GALM: variants seen among roughly 807,000 people sequenced by gnomAD.
GALM encodes the protein galactose mutarotase.
A neutral mutation model predicts 37.4 loss-of-function variants in GALM; 43 were observed. The ratio of observed to expected loss-of-function variants is 1.15; its 90% CI spans 0.90 to 1.48. The LOEUF is 1.48. Among genes scored for constraint, GALM ranks in the 40% most tolerant of loss-of-function variants. GALM has a pLI of 0.00. For synonymous variants in GALM, 199 were observed against 170.6 expected (o/e 1.17, Z -1.30); for missense variants, 456 against 419.1 (o/e 1.09, Z -0.77).
intron 3 of GALM, among the ~76,000 whole-genome samples, chr2:38,682,950 A>C (rs1665433594): frequency 2.0e-5 from 3 of 152,002 alleles, no homozygotes; most frequent in Admixed American, 2.0e-4. Flanking sequence ...ACAAAACAAA[A>C]ACCCTCAGAC....
At chr2:38,709,072 C>T (rs1372704700) in intron 4 of GALM, among the ~76,000 whole-genome samples, 1 of 152,058 alleles carries the variant, frequency 6.6e-6, no homozygotes, top group Non-Finnish European at 1.5e-5. Context: ...GGGTGTAAGG[C>T]AGATCAAGGA....
Position 38,731,790 on chromosome 2 carries a change from G to A in GALM, c.832G>A (p.Val278Ile). The A allele has an allele frequency of 6.2e-7, 1 of 1,613,978 alleles. No individual in the cohort carries two copies. The highest frequency in any genetic ancestry group is 1.1e-5 in the South Asian group (1 of 91,080). Residue 278 changes from valine (V) to isoleucine (I), a missense_variant, in exon 6 of 7, where the codon GTC becomes ATC. Val to Ile is a conservative substitution (Grantham distance 29, BLOSUM62 3). Transcript: ENST00000272252. The stretch of plus-strand genomic sequence containing the variant: ...AGAAGTATACACCACCCAGCCCGGG[G>A]TCCAGTTTTACACGGGCAACTTCCT... The part of the protein sequence containing the change: ...VLEVYTTQPG[V>I]QFYTGNFLDG...
chr2:38,729,760 T>C, intron 5 of GALM, 63 bp downstream of exon 5: 1 of 1,406,816 alleles, frequency 7.1e-7, no homozygotes, highest in Non-Finnish European at 1.0e-6. Flanking sequence ...TATTTTCCTT[T>C]GGAGCTTTTC....
At chr2:38,731,987 T>G (rs959963632) in intron 6 of GALM, 78 bp downstream of exon 6, 2 of 1,161,724 alleles carry the variant, frequency 1.7e-6, no homozygotes, top group African/African-American at 3.1e-5. Context: ...TACACTCGAA[T>G]CAGCTTGTAT....
chr2:38,702,103 C>A (rs1477164042), intron 4 of GALM, among the ~76,000 whole-genome samples: 3 of 151,846 alleles, frequency 2.0e-5, no homozygotes, highest in African/African-American at 7.3e-5. Context: ...AGATTAGTGC[C>A]TGGCTTATAT....
Position 38,729,543 on chromosome 2 carries a change from C to T in GALM, c.635-13C>T, listed in dbSNP as rs376778218. On this transcript the variant is annotated splice_polypyrimidine_tract_variant and intron_variant, in intron 4 of 6. Coordinates refer to ENST00000272252, the MANE Select transcript of GALM (RefSeq NM_138801.3). ...GGCATTTATCACCTTTGTTTTCTGTCTCTTCCCATCAGGAGAAGTTGCCCC... is the reference window on the plus strand; with the variant it reads ...GGCATTTATCACCTTTGTTTTCTGTTTCTTCCCATCAGGAGAAGTTGCCCC... 1 of 1,611,458 alleles carries T rather than the reference C, an allele frequency of 6.2e-7. No homozygotes were observed. The highest frequency in any genetic ancestry group is 8.5e-7 in the Non-Finnish European group (1 of 1,178,824).
chr2:38,697,550 G>T (rs537809492), intron 4 of GALM, among the ~76,000 whole-genome samples: 110 of 152,244 alleles, frequency 7.2e-4, no homozygotes, highest in African/African-American at 2.6e-3. Flanking sequence ...TTTTCACCCT[G>T]GCTACAGACA....
chr2:38,728,613 A>T (rs1256419699), intron 4 of GALM, among the ~76,000 whole-genome samples: 1 of 152,218 alleles, frequency 6.6e-6, no homozygotes, highest in Non-Finnish European at 1.5e-5. Context: ...TGAACCCAGG[A>T]GGCGGAGGTT....
At chr2:38,682,562 G>A (rs912596373) in intron 3 of GALM, among the ~76,000 whole-genome samples, 7 of 152,020 alleles carry the variant, frequency 4.6e-5, no homozygotes, top group Non-Finnish European at 4.4e-5. Flanking sequence ...CTTCACTTGC[G>A]GGTTCCTTAT....
At chr2:38,695,425 G>A (rs1432129428) in intron 4 of GALM, among the ~76,000 whole-genome samples, 1 of 152,228 alleles carries the variant, frequency 6.6e-6, no homozygotes, top group Non-Finnish European at 1.5e-5. Flanking sequence ...GTCCCTTATG[G>A]TGGGTACTTC....
chr2:38,696,052 T>C (rs1469614983), intron 4 of GALM, among the ~76,000 whole-genome samples: 1 of 152,030 alleles, frequency 6.6e-6, no homozygotes, highest in Non-Finnish European at 1.5e-5. Context: ...TTCTCATTAA[T>C]TTCACTTAGA....
intron 4 of GALM, among the ~76,000 whole-genome samples, chr2:38,693,933 TC>T (rs1665742530): frequency 6.6e-6 from 1 of 152,196 alleles, no homozygotes; most frequent in Non-Finnish European, 1.5e-5. Context: ...ACACCTTTAA[TC>T]CCAGCACTTT....
chr2:38,677,921 G>A (rs1242041182), intron 2 of GALM, among the ~76,000 whole-genome samples: 1 of 152,102 alleles, frequency 6.6e-6, no homozygotes, highest in Non-Finnish European at 1.5e-5. Context: ...GATTGGAACT[G>A]GCCTTGAAGA....
intron 1 of GALM, among the ~76,000 whole-genome samples, chr2:38,673,402 A>C (rs1179276129): frequency 6.6e-6 from 1 of 152,202 alleles, no homozygotes; most frequent in African/African-American, 2.4e-5. Flanking sequence ...AATCTTTTCC[A>C]TCGTAAAGTA....
chr2:38,667,891 A>G (rs888544114), intron 1 of GALM, among the ~76,000 whole-genome samples: 1 of 152,194 alleles, frequency 6.6e-6, no homozygotes, highest in Non-Finnish European at 1.5e-5. Context: ...GTAACAGCTG[A>G]CCATAAAGAA....
At chr2:38,689,662 C>G (rs1665625701) in intron 3 of GALM, 151 bp from the exon 4 acceptor site, 1 of 611,724 alleles carries the variant, frequency 1.6e-6, no homozygotes, top group Non-Finnish European at 2.9e-6. Flanking sequence ...TCTACCTCCA[C>G]TTAGTTGATT....
intron 4 of GALM, among the ~76,000 whole-genome samples, chr2:38,699,212 C>T (rs1443889624): frequency 1.3e-5 from 2 of 152,266 alleles, no homozygotes; most frequent in East Asian, 1.9e-4. Context: ...CCGTACCTGG[C>T]CCCAGCTGTT....
At chr2:38,722,987 T>C (rs1264267088) in intron 4 of GALM, among the ~76,000 whole-genome samples, 1 of 152,124 alleles carries the variant, frequency 6.6e-6, no homozygotes, top group Non-Finnish European at 1.5e-5. Flanking sequence ...TAAGCCCCTT[T>C]CTAGATCTTT....
At chr2:38,685,804 G>A (rs564133774) in intron 3 of GALM, among the ~76,000 whole-genome samples, 130 of 151,976 alleles carry the variant, frequency 8.6e-4, no homozygotes, top group African/African-American at 3.1e-3. Context: ...GGCAATCTCC[G>A]CCTCCCAAGT....
Sources: gnomAD v4.1 joint callset for allele counts (sites outside exome capture counted in the v4.1 genomes callset) on GRCh38, gnomAD v4.1.1 for gene constraint, MANE v1.5 for transcripts, NCBI Gene and HGNC (gene_info 2026-07-23, HGNC 2026-07-21) for gene names.